Variants in ANK3 observed in about 807,000 individuals in gnomAD.
ANK3 encodes the protein ankyrin 3.
Under a neutral mutation model 370.9 loss-of-function variants are expected in ANK3, and 57 were observed. The ratio of observed to expected loss-of-function variants is 0.15; its 90% CI spans 0.12 to 0.19. The LOEUF (loss-of-function observed/expected upper bound fraction) is 0.19. Among genes scored for constraint, ANK3 ranks in the 10% least tolerant of loss-of-function variants. The pLI, the probability that ANK3 is intolerant of heterozygous loss-of-function variation, is 1.00. For synonymous variants in ANK3, 1,929 were observed against 1,946.3 expected (o/e 0.99, Z 0.23); for missense variants, 4,439 against 5,302.1 (o/e 0.84, Z 5.06).
intron 1 of ANK3, among the ~76,000 whole-genome samples, chr10:60,348,380 C>CA (rs1421645213): frequency 4.9e-4 from 45 of 92,236 alleles, no homozygotes; most frequent in East Asian, 1.4e-3. Context: ...ACACAAAAAA[C>CA]AAAAAAAACG....
chr10:60,373,103 C>G (rs1415369682), intron 1 of ANK3, among the ~76,000 whole-genome samples: 1 of 152,198 alleles, frequency 6.6e-6, no homozygotes, highest in Non-Finnish European at 1.5e-5. Flanking sequence ...AGTTACATAA[C>G]TTTGTAGCAT....
At position 60,068,632 on chromosome 10, in the gene ANK3, C is replaced by A; in HGVS notation, c.12244+5G>T. Reference sequence around the variant, plus strand: ...CTCGAGAGACCTGACTGCCTTCATTCTCACCAGTCCTTCTACTGCTCCTTT... The same window carrying A: ...CTCGAGAGACCTGACTGCCTTCATTATCACCAGTCCTTCTACTGCTCCTTT... On this transcript the variant is annotated splice_donor_5th_base_variant and intron_variant, in intron 37 of 43. Transcript: ENST00000280772. The A allele has an allele frequency of 6.3e-7, 1 of 1,592,504 alleles. No individual in the cohort carries two copies. The highest frequency in any genetic ancestry group is 8.6e-7 in the Non-Finnish European group (1 of 1,168,956).
In ANK3 at chr10:60,488,497, T is replaced by C. The variant is rs564636805; in HGVS notation, c.96+126689A>G. Among the ~76,000 whole-genome samples the C allele has an allele frequency of 3.3e-5, 5 of 152,280 alleles. No individual in the cohort carries two copies. In the East Asian group the frequency reaches 9.6e-4, roughly 29 times the overall value. ...GTATATTTACAGAGTTGTGCAACCA[T>C]CATAATTAATTTTAGAATATTTTAT... On this transcript the variant is annotated intron_variant, in intron 2 of 43. Coordinates refer to the ANK3 transcript ENST00000373827.
chr10:60,300,747 G>C (rs1246933512), intron 1 of ANK3, among the ~76,000 whole-genome samples: 1 of 152,056 alleles, frequency 6.6e-6, no homozygotes, highest in East Asian at 1.9e-4. Flanking sequence ...ACTTTCCTCT[G>C]TACTCACGCT....
At chr10:60,500,298 G>A (rs557654564) in intron 2 of ANK3, among the ~76,000 whole-genome samples, 4 of 152,260 alleles carry the variant, frequency 2.6e-5, no homozygotes, top group African/African-American at 9.6e-5. Context: ...ACTCTAGGAA[G>A]GGGTAACACT....
In ANK3 at chr10:60,240,281, C is replaced by CATATATAT. The variant is rs35855721; in HGVS notation, c.799-5503_799-5496dup. On this transcript the variant is annotated intron_variant, in intron 7 of 43. Transcript: ENST00000280772. ...ATATACACATATATATACACACACACATATATATATATATATATATATATA... is the reference window on the plus strand; with the variant it reads ...ATATACACATATATATACACACACACATATATATATATATATATATATATATATATATA... 3.4e-3 allele frequency among the ~76,000 whole-genome samples: 298 copies of CATATATAT among 88,338 alleles called. 2 individuals are homozygous for CATATATAT. Among genetic ancestry groups the CATATATAT allele is most frequent in the Non-Finnish European group, 4.9e-3 (228 of 46,530 alleles). The allele number at this position is 88,338 out of a possible 152,430, so 58.0% of individuals were successfully genotyped here. A position where few individuals can be genotyped will look rare whatever the true frequency, so the allele number is the denominator to read the frequency against.
At chr10:60,056,255 G>T (rs1287188464) in intron 41 of ANK3, among the ~76,000 whole-genome samples, 1 of 151,864 alleles carries the variant, frequency 6.6e-6, no homozygotes, top group Non-Finnish European at 1.5e-5. Context: ...GATCACCTGA[G>T]GTCAGGAGTT....
intron 1 of ANK3, among the ~76,000 whole-genome samples, chr10:60,696,807 G>A (rs1250747302): frequency 9.8e-5 from 14 of 143,158 alleles, no homozygotes; most frequent in Non-Finnish European, 1.7e-4. Flanking sequence ...TACTGAATGG[G>A]CAAAAACTGG....
At chr10:60,084,499 A>G (rs751153144) in intron 32 of ANK3, 103 bp downstream of exon 32, 10 of 757,872 alleles carry the variant, frequency 1.3e-5, no homozygotes, top group African/African-American at 8.9e-5. Flanking sequence ...AGTAAAATCA[A>G]TAATGCACTT....
chr10:60,228,181 T>A (rs969762259), intron 8 of ANK3, among the ~76,000 whole-genome samples: 1 of 152,210 alleles, frequency 6.6e-6, no homozygotes, highest in Non-Finnish European at 1.5e-5. Context: ...GAATATTTCT[T>A]CTATGAATAC....
At chr10:60,442,685 T>C (rs1313568493) in intron 2 of ANK3, among the ~76,000 whole-genome samples, 1 of 127,442 alleles carries the variant, frequency 7.8e-6, no homozygotes, top group Non-Finnish European at 1.8e-5. Flanking sequence ...TGAAAACTCT[T>C]TCATGATTCA....
chr10:60,151,651 C>T (rs780746158), intron 23 of ANK3, among the ~76,000 whole-genome samples: 1 of 152,174 alleles, frequency 6.6e-6, no homozygotes, highest in Non-Finnish European at 1.5e-5. Context: ...GCCTGCAGAA[C>T]TGTGAGCCAA....
At chr10:60,617,943 A>G (rs113258739) in intron 1 of ANK3, among the ~76,000 whole-genome samples, 82 of 152,334 alleles carry the variant, frequency 5.4e-4, no homozygotes, top group African/African-American at 1.9e-3. Flanking sequence ...TAACTGATTA[A>G]AAGAGCAAAG....
At chr10:60,152,226 T>A (rs1484066930) in intron 23 of ANK3, among the ~76,000 whole-genome samples, 1 of 152,142 alleles carries the variant, frequency 6.6e-6, no homozygotes, top group Admixed American at 6.5e-5. Flanking sequence ...TAACCATGAG[T>A]TGGCAAACTA....
intron 1 of ANK3, among the ~76,000 whole-genome samples, chr10:60,369,454 T>C (rs2059826142): frequency 6.6e-6 from 1 of 152,198 alleles, no homozygotes; most frequent in Admixed American, 6.5e-5. Context: ...CCTAGTCCTA[T>C]CTGAAGTCAA....
At position 60,348,003 on chromosome 10, in the gene ANK3, C is replaced by T. The variant is rs1332763211; in HGVS notation, c.114+41422G>A. Reference sequence around the variant, plus strand: ...GAACTTCTTAGCCCCAACCCCCAACCCCTCACCACCACCATGCTTTGCTTT... The same window carrying T: ...GAACTTCTTAGCCCCAACCCCCAACTCCTCACCACCACCATGCTTTGCTTT... On this transcript the variant is annotated intron_variant, in intron 1 of 43. Transcript: ENST00000280772. 2.6e-5 allele frequency among the ~76,000 whole-genome samples: 4 copies of T among 152,184 alleles called. No individual in the cohort carries two copies. The East Asian group carries it at 5.8e-4, about 22-fold the overall frequency.
chr10:60,400,022 GT>G (rs1477526218), intron 2 of ANK3, among the ~76,000 whole-genome samples: 1 of 60,688 alleles, frequency 1.6e-5, no homozygotes, highest in Admixed American at 1.4e-4. Context: ...GTGTGTGTGT[GT>G]GTGTGTGTGT....
intron 1 of ANK3, among the ~76,000 whole-genome samples, chr10:60,306,471 G>T (rs1326644450): frequency 1.3e-5 from 2 of 148,498 alleles, no homozygotes; most frequent in African/African-American, 5.1e-5. Flanking sequence ...TTATCCACTT[G>T]TTGGCCGATG....
intron 28 of ANK3, among the ~76,000 whole-genome samples, chr10:60,094,557 C>T (rs995077730): frequency 6.6e-6 from 1 of 151,996 alleles, no homozygotes; most frequent in Non-Finnish European, 1.5e-5. Context: ...TAAGTTTTTT[C>T]TCTAAGAATA....
Sources: allele counts gnomAD v4.1 joint callset (sites outside exome capture counted in the v4.1 genomes callset), GRCh38; gene constraint gnomAD v4.1.1; transcripts MANE v1.5; gene names NCBI Gene and HGNC (gene_info 2026-07-23, HGNC 2026-07-21).